The following DLG2 variants were observed in gnomAD, a reference collection of about 807,000 sequenced individuals.
The protein encoded by DLG2 is disks large homolog 2.
A neutral mutation model predicts 132.5 loss-of-function variants in DLG2; 45 were observed. The observed-to-expected ratio is 0.34, with a 90% CI of 0.27 to 0.44. DLG2 has a LOEUF of 0.44. Ranked by LOEUF, DLG2 falls within the 20% of genes least tolerant of loss-of-function variation. The probability of loss-of-function intolerance (pLI) is 1.00; values close to 1 mark genes in which losing one functional copy is unlikely to be tolerated. For synonymous variants in DLG2, 424 were observed against 419.6 expected, an observed-to-expected ratio of 1.01 and a Z score of -0.13; for missense variants, 1,045 against 1,196.9, an observed-to-expected ratio of 0.87 and a Z score of 1.87.
At chr11:83,466,871 CCAA>C in intron 25 of DLG2, 54 bp from the exon 26 acceptor site, 1 of 1,239,458 alleles carries the variant, frequency 8.1e-7, no homozygotes, top group Non-Finnish European at 1.2e-6. Context: ...TGGCCATAAT[CCAA>C]CAAAAGGAAA....
At chr11:84,049,562 C>T (rs2096314018) in intron 11 of DLG2, among the ~76,000 whole-genome samples, 1 of 151,774 alleles carries the variant, frequency 6.6e-6, no homozygotes, top group Admixed American at 6.6e-5. Context: ...CCCAATTCTT[C>T]CCATTTACTA....
intron 11 of DLG2, among the ~76,000 whole-genome samples, chr11:84,032,819 A>C (rs764274113): frequency 1.3e-5 from 2 of 152,126 alleles, no homozygotes; most frequent in Non-Finnish European, 2.9e-5. Flanking sequence ...AGTGGAAGCC[A>C]ATGCTTATTT....
intron 2 of DLG2, among the ~76,000 whole-genome samples, chr11:85,604,208 G>A (rs138757156): frequency 1.3e-3 from 198 of 152,304 alleles, no homozygotes; most frequent in East Asian, 5.6e-3. Context: ...TTAAAAGGTC[G>A]TATATAATCA....
intron 3 of DLG2, among the ~76,000 whole-genome samples, chr11:85,504,345 G>T (rs1317511797): frequency 6.6e-6 from 1 of 152,024 alleles, no homozygotes; most frequent in African/African-American, 2.4e-5. Context: ...TATGGTTTTA[G>T]GTCTAACATT....
rs182049070 is a variant in DLG2, at chr11:85,052,092, G to C, written c.357+59569C>G. ...TCTTTTGGATCAAGAAGAAAAGACT[G>C]AGCATATTTGCTCCAAGAATGAAAA... On this transcript the variant is annotated intron_variant, in intron 6 of 27. Coordinates refer to ENST00000376104, the MANE Select transcript of DLG2 (RefSeq NM_001142699.3). 5.3e-5 allele frequency among the ~76,000 whole-genome samples: 8 copies of C among 152,206 alleles called. No homozygotes were observed. In the East Asian group the frequency reaches 1.5e-3, roughly 29 times the overall value.
At chr11:83,618,465 A>G (rs899899411) in intron 19 of DLG2, among the ~76,000 whole-genome samples, 5 of 152,220 alleles carry the variant, frequency 3.3e-5, no homozygotes, top group African/African-American at 1.2e-4. Flanking sequence ...TAGTTTGTAT[A>G]AGACGCTAGG....
intron 4 of DLG2, among the ~76,000 whole-genome samples, chr11:85,215,372 C>T (rs950008803): frequency 2.6e-5 from 4 of 152,142 alleles, no homozygotes; most frequent in African/African-American, 9.7e-5. Context: ...CAAATACTTT[C>T]ATTTAATTTA....
At chr11:84,578,319 C>T (rs189539292) in intron 6 of DLG2, among the ~76,000 whole-genome samples, 25 of 152,154 alleles carry the variant, frequency 1.6e-4, no homozygotes, top group South Asian at 1.0e-3. Context: ...GTAGATCCAC[C>T]GACAGCTTGC....
intron 20 of DLG2, among the ~76,000 whole-genome samples, chr11:83,534,223 T>A (rs73522629): frequency 5.3e-5 from 8 of 152,346 alleles, no homozygotes; most frequent in African/African-American, 1.9e-4. Context: ...GCACTGCATA[T>A]ACAGGGTTGT....
At chr11:84,407,428 T>C (rs2098860248) in intron 7 of DLG2, among the ~76,000 whole-genome samples, 1 of 152,142 alleles carries the variant, frequency 6.6e-6, no homozygotes, top group East Asian at 1.9e-4. Context: ...ATCTGACTGT[T>C]TGGATGACCA....
chr11:84,348,848 A>G (rs576928696), intron 7 of DLG2, among the ~76,000 whole-genome samples: 1 of 152,342 alleles, frequency 6.6e-6, no homozygotes, highest in East Asian at 1.9e-4. Flanking sequence ...ATGTGTCTAC[A>G]AGCCAAGGAA....
chr11:83,773,882 C>T (rs1436423253), intron 18 of DLG2, among the ~76,000 whole-genome samples: 1 of 152,214 alleles, frequency 6.6e-6, no homozygotes, highest in East Asian at 1.9e-4. Context: ...GGAAAAATAA[C>T]TGAGCTTACA....
chr11:84,810,498 G>A (rs890793132), intron 6 of DLG2, among the ~76,000 whole-genome samples: 1 of 152,118 alleles, frequency 6.6e-6, no homozygotes, highest in Non-Finnish European at 1.5e-5. Flanking sequence ...TGCTATTTAG[G>A]ACATGGAGAA....
intron 7 of DLG2, among the ~76,000 whole-genome samples, chr11:84,280,828 G>A (rs1235590392): frequency 1.4e-5 from 2 of 144,958 alleles, no homozygotes; most frequent in East Asian, 4.2e-4. Context: ...CTCCCGAGTA[G>A]TAGCTGGAAC....
chr11:84,923,538 G>C (rs752987040), intron 6 of DLG2: 1 of 1,021,924 alleles, frequency 9.8e-7, no homozygotes. Context: ...GGAGAGCCCC[G>C]GTGTTATCCT....
At chr11:85,427,661 A>G (rs767319787) in intron 3 of DLG2, among the ~76,000 whole-genome samples, 1 of 152,252 alleles carries the variant, frequency 6.6e-6, no homozygotes, top group Non-Finnish European at 1.5e-5. Flanking sequence ...GGTATCAGCC[A>G]CTGCAAAAAC....
chr11:84,457,697 A>T (rs1017046303), intron 7 of DLG2, among the ~76,000 whole-genome samples: 1 of 150,938 alleles, frequency 6.6e-6, no homozygotes, highest in African/African-American at 2.4e-5. Context: ...GAGCAATTTC[A>T]TAACCTCAGT....
chr11:85,332,744 T>G (rs1050208512), intron 3 of DLG2, among the ~76,000 whole-genome samples: 1 of 152,160 alleles, frequency 6.6e-6, no homozygotes, highest in Non-Finnish European at 1.5e-5. Flanking sequence ...TTGTCGACCC[T>G]CTCAAAGATC....
intron 6 of DLG2, among the ~76,000 whole-genome samples, chr11:84,797,107 A>T (rs999093209): frequency 2.6e-5 from 4 of 152,080 alleles, no homozygotes; most frequent in African/African-American, 9.7e-5. Flanking sequence ...TCAGCCTCCT[A>T]AAGTGCTGGG....
Sources: gnomAD v4.1 joint callset for allele counts (sites outside exome capture counted in the v4.1 genomes callset) on GRCh38, gnomAD v4.1.1 for gene constraint, MANE v1.5 for transcripts, NCBI Gene and HGNC (gene_info 2026-07-23, HGNC 2026-07-21) for gene names.